Variants in CUEDC1 observed in about 807,000 individuals in gnomAD.
CUEDC1 encodes the protein CUE domain-containing protein 1.
In CUEDC1, 30 loss-of-function variants were observed where a neutral mutation model predicts 43.7. The ratio of observed to expected loss-of-function variants is 0.69; its 90% CI spans 0.51 to 0.93. CUEDC1 has a LOEUF of 0.93. Among genes scored for constraint, CUEDC1 ranks in the 40% least tolerant of loss-of-function variants. The probability of loss-of-function intolerance (pLI) is 0.00; values close to 1 mark genes in which losing one functional copy is unlikely to be tolerated. For synonymous variants in CUEDC1, 223 were observed against 223.6 expected, an observed-to-expected ratio of 1.00 and a Z score of 0.02; for missense variants, 486 against 549.0, an observed-to-expected ratio of 0.89 and a Z score of 1.15.
At chr17:57,907,901 C>T (rs1346472285) in intron 1 of CUEDC1, among the ~76,000 whole-genome samples, 1 of 151,238 alleles carries the variant, frequency 6.6e-6, no homozygotes, top group East Asian at 1.9e-4. Flanking sequence ...TGCCAGTGCA[C>T]CCCACCCCCC....
chr17:57,913,857 C>T (rs1484424178), intron 1 of CUEDC1, among the ~76,000 whole-genome samples: 1 of 152,194 alleles, frequency 6.6e-6, no homozygotes, highest in East Asian at 1.9e-4. Context: ...CTCCTTGGCC[C>T]CAGAAGCCTC....
At chr17:57,880,587 G>A (rs894624344) in intron 2 of CUEDC1, among the ~76,000 whole-genome samples, 62 of 152,252 alleles carry the variant, frequency 4.1e-4, no homozygotes, top group African/African-American at 1.4e-3. Context: ...CAAAGTCTGG[G>A]GTCCTGCTCC....
At position 57,872,836 on chromosome 17, in the gene CUEDC1, T is replaced by C. The variant is rs1193334711; in HGVS notation, c.611A>G (p.Lys204Arg). ...TGGACATCCCTCTCCACTCCCAGGC[T>C]TGGGGCCCCCAGCGTTACCCTGAGG... ...DSIQGNAGGP[K>R]PGSGEGCPPA... The change falls in exon 5 of 11, where the codon AAG (lysine) becomes AGG (arginine). Residue 204 changes from lysine (K) to arginine (R), a missense_variant. Coordinates refer to ENST00000577830, the MANE Select transcript of CUEDC1 (RefSeq NM_001271875.2). 25 of 1,613,272 alleles carry C rather than the reference T, an allele frequency of 1.5e-5. No individual in the cohort carries two copies. The highest frequency in any genetic ancestry group is 2.0e-5 in the Non-Finnish European group (24 of 1,179,782).
intron 5 of CUEDC1, among the ~76,000 whole-genome samples, chr17:57,872,097 A>G (rs2074042366): frequency 6.6e-6 from 1 of 152,146 alleles, no homozygotes; most frequent in South Asian, 2.1e-4. Context: ...ACAGGGACAG[A>G]GCTCCACAGC....
rs56137797 is a variant in CUEDC1, at chr17:57,932,281, C to CAAAAAAAAAAAAAAAAAAAAAAA, written c.-316+22943_-316+22944insTTTTTTTTTTTTTTTTTTTTTTT. Among the ~76,000 whole-genome samples, 10 of 121,938 alleles carry CAAAAAAAAAAAAAAAAAAAAAAA rather than the reference C, an allele frequency of 8.2e-5. 1 individual carries two copies. The highest frequency in any genetic ancestry group is 2.6e-4 in the South Asian group (1 of 3,890). The allele number at this position is 121,938 out of a possible 152,430, so 80.0% of individuals were successfully genotyped here. ...TGGGCAACAAAGTGACACTGTGTCT[C>CAAAAAAAAAAAAAAAAAAAAAAA]AAAAAAAAAAAAAAAAAAAAAAGGC... On this transcript the variant is annotated intron_variant, in intron 1 of 10. Transcript: ENST00000577830.
At chr17:57,934,839 C>T (rs1287745176) in intron 1 of CUEDC1, among the ~76,000 whole-genome samples, 1 of 152,112 alleles carries the variant, frequency 6.6e-6, no homozygotes, top group African/African-American at 2.4e-5. Context: ...TCCCGAGTAG[C>T]TGGGATTACA....
chr17:57,896,487 G>GGGGGGGGGGGGGTGTGT (rs375270781), intron 1 of CUEDC1, among the ~76,000 whole-genome samples: 1 of 130,282 alleles, frequency 7.7e-6, no homozygotes, highest in Non-Finnish European at 1.6e-5. Flanking sequence ...TGCATTATGG[G>GGGGGGGGGGGGGTGTGT]GTGTGTGTGT....
rs1335743093 is a variant in CUEDC1, at chr17:57,954,254, G to A, written c.-316+971C>T. 2.0e-5 allele frequency among the ~76,000 whole-genome samples: 3 copies of A among 152,278 alleles called. No homozygotes were observed. Among genetic ancestry groups the A allele is most frequent in the East Asian group, 1.9e-4 (1 of 5,178 alleles). ...GACTGCGGATCAGGTGGGGAGCACG[G>A]TGGATGGTCTTCTTGTATCCTCTAT... On this transcript the variant is annotated intron_variant, in intron 1 of 10. Coordinates refer to ENST00000577830, the MANE Select transcript of CUEDC1 (RefSeq NM_001271875.2). The surrounding 1 kb of genome is among the most constrained non-coding windows in gnomAD (Gnocchi z 4.3).
chr17:57,896,767 CTT>C (rs747788787), intron 1 of CUEDC1, among the ~76,000 whole-genome samples: 93 of 112,236 alleles, frequency 8.3e-4, no homozygotes, highest in African/African-American at 3.0e-3. Flanking sequence ...TTTCTTCTTT[CTT>C]TTTTTTTTTT....
chr17:57,921,983 C>T (rs1246312018), intron 1 of CUEDC1, among the ~76,000 whole-genome samples: 1 of 152,082 alleles, frequency 6.6e-6, no homozygotes, highest in African/African-American at 2.4e-5. Context: ...CATGGTGGCA[C>T]GTGCCTGTAG....
In CUEDC1 at chr17:57,873,603, C is replaced by A; in HGVS notation, c.579G>T (p.Leu193=). The part of the protein sequence containing the change: ...DDFLRILPQQ[L]DSIQGNAGGP... ...CGGCCCCTGTTACCTGTATGCTGTC[C>A]AGCTGCTGGGGCAGGATGCGGAGAA... The change falls in exon 4 of 11, where the codon CTG becomes CTT. Residue 193 remains leucine (L), a synonymous_variant. Coordinates refer to ENST00000577830, the MANE Select transcript of CUEDC1 (RefSeq NM_001271875.2). The A allele has an allele frequency of 6.3e-7, 1 of 1,591,582 alleles. No individual in the cohort carries two copies. The highest frequency in any genetic ancestry group is 8.6e-7 in the Non-Finnish European group (1 of 1,168,514).
rs745841645 is a variant in CUEDC1 at position 57,866,484 on chromosome 17, CCTT to C, written c.1151_1153del (p.Glu384del). Reference sequence around the variant, plus strand: ...GGCTCCAGGCCTTACCTCTTACTGTCCTTCTCGCAGGCCTTCCTCCACCTTGGG... The same window carrying C: ...GGCTCCAGGCCTTACCTCTTACTGTCCTCGCAGGCCTTCCTCCACCTTGGG... On this transcript the variant is annotated inframe_deletion, in exon 10 of 11. Coordinates refer to ENST00000577830, the MANE Select transcript of CUEDC1 (RefSeq NM_001271875.2). 2.7e-5 allele frequency: 43 copies of C among 1,614,052 alleles called. No individual in the cohort carries two copies. The highest frequency in any genetic ancestry group is 8.5e-7 in the Non-Finnish European group (1 of 1,180,020).
chr17:57,869,429 G>A (rs566656211), intron 6 of CUEDC1, among the ~76,000 whole-genome samples: 18 of 152,278 alleles, frequency 1.2e-4, no homozygotes, highest in South Asian at 4.1e-4. Context: ...TGTGCAGACA[G>A]CCAGCTCGTG....
intron 1 of CUEDC1, among the ~76,000 whole-genome samples, chr17:57,943,895 C>T (rs9904523): frequency 0.12 from 18,505 of 152,148 alleles, 1,223 homozygotes; most frequent in African/African-American, 0.13. Flanking sequence ...CTCCCTGGGA[C>T]TGTCAAACAA....
At chr17:57,886,073 C>T (rs1027239733) in intron 1 of CUEDC1, among the ~76,000 whole-genome samples, 194 bp from the exon 2 acceptor site, 24 of 152,190 alleles carry the variant, frequency 1.6e-4, no homozygotes, top group Non-Finnish European at 3.1e-4. Flanking sequence ...CACAGGACAG[C>T]CACCAGTTAG....
intron 1 of CUEDC1, among the ~76,000 whole-genome samples, chr17:57,909,849 C>G (rs912807200): frequency 7.2e-5 from 11 of 152,212 alleles, no homozygotes; most frequent in African/African-American, 2.7e-4. Context: ...AAAAGGGCAG[C>G]TGAGGCGGGG....
chr17:57,879,319 T>C (rs2074171378), intron 3 of CUEDC1, among the ~76,000 whole-genome samples: 1 of 152,242 alleles, frequency 6.6e-6, no homozygotes, highest in Non-Finnish European at 1.5e-5. Flanking sequence ...GCATCTCCCT[T>C]GACTATAAGC....
chr17:57,864,521 G>A (rs1482810723), intron 10 of CUEDC1, among the ~76,000 whole-genome samples: 3 of 152,110 alleles, frequency 2.0e-5, no homozygotes, highest in African/African-American at 7.2e-5. Context: ...GGCAGCTTCA[G>A]GAGAGATCAG....
At chr17:57,879,127 G>A (rs886443153) in intron 3 of CUEDC1, among the ~76,000 whole-genome samples, 1 of 152,200 alleles carries the variant, frequency 6.6e-6, no homozygotes, top group Non-Finnish European at 1.5e-5. Context: ...GCCCAAGGAT[G>A]GCAGCTAGCC....
Sources: allele counts gnomAD v4.1 joint callset (sites outside exome capture counted in the v4.1 genomes callset), GRCh38; gene constraint gnomAD v4.1.1; non-coding constraint Gnocchi (gnomAD v3.1); transcripts MANE v1.5; gene names NCBI Gene and HGNC (gene_info 2026-07-23, HGNC 2026-07-21).